Variants in FHIP1A observed in about 807,000 individuals in gnomAD.
The protein encoded by FHIP1A is FHF complex subunit HOOK interacting protein 1A, also known as FHF complex subunit HOOK-interacting protein 1A.
In FHIP1A, 61 loss-of-function variants were observed where a neutral mutation model predicts 88.6. The observed-to-expected ratio is 0.69, with a 90% CI of 0.56 to 0.85. FHIP1A has a LOEUF of 0.85. FHIP1A is among the 40% of genes least tolerant of loss of function. FHIP1A has a pLI of 0.00. For synonymous variants in FHIP1A, 478 were observed against 496.0 expected (o/e 0.96, Z 0.48); for missense variants, 1,154 against 1,273.5 (o/e 0.91, Z 1.43).
Position 151,656,352 on chromosome 4 carries a change from G to T in FHIP1A, c.2672G>T (p.Arg891Leu). Reference sequence around the variant, plus strand: ...GCCAGCTACCCCCAGCCACTCCTGCGCTCCTTTCTGCTCAACACCAACATG... The same window carrying T: ...GCCAGCTACCCCCAGCCACTCCTGCTCTCCTTTCTGCTCAACACCAACATG... ...QLASYPQPLL[R>L]SFLLNTNMVF... is the part of the protein sequence containing the mutation. Residue 891 changes from arginine (R) to leucine (L), a missense_variant, in exon 12 of 14, where the codon CGC (arginine) becomes CTC (leucine). Transcript: ENST00000435205. This position sits in a 1 kb window ranked among gnomAD's most constrained non-coding sequence, Gnocchi z 4.2. 6.4e-7 allele frequency: 1 copy of T among 1,551,634 alleles called. No homozygotes were observed. The highest frequency in any genetic ancestry group is 8.7e-7 in the Non-Finnish European group (1 of 1,146,986).
intron 9 of FHIP1A, among the ~76,000 whole-genome samples, chr4:151,645,547 G>T (rs936440008): frequency 6.6e-6 from 1 of 150,772 alleles, no homozygotes; most frequent in African/African-American, 2.4e-5. Flanking sequence ...GTTTTTCTCT[G>T]CACGGCTTCT....
chr4:151,454,071 G>A (rs1239834522), intron 1 of FHIP1A, among the ~76,000 whole-genome samples: 3 of 152,002 alleles, frequency 2.0e-5, no homozygotes, highest in Non-Finnish European at 2.9e-5. Context: ...TTTTCCCATA[G>A]GAATGTACAT....
Position 151,664,608 on chromosome 4 carries a change from G to A in FHIP1A, c.*1854G>A, listed in dbSNP as rs75666489. Among the ~76,000 whole-genome samples, 1,519 of 152,342 alleles carry A rather than the reference G, an allele frequency of 1.0e-2. 19 individuals carry two copies. The highest frequency in any genetic ancestry group is 0.035 in the African/African-American group (1,437 of 41,574). Reference sequence around the variant, plus strand: ...TCTGCTTCTGGCTTCCTGATGTCTGGTTGTATTTGCACAGCCCACAACTCT... The same window carrying A: ...TCTGCTTCTGGCTTCCTGATGTCTGATTGTATTTGCACAGCCCACAACTCT... On this transcript the variant is annotated 3_prime_UTR_variant, in exon 14 of 14. Coordinates refer to ENST00000435205, the MANE Select transcript of FHIP1A (RefSeq NM_001109977.3).
intron 2 of FHIP1A, among the ~76,000 whole-genome samples, chr4:151,456,550 G>A (rs1045878787): frequency 6.6e-6 from 1 of 152,126 alleles, no homozygotes; most frequent in African/African-American, 2.4e-5. Context: ...CTTTGGAAAT[G>A]TACCCTGATC....
rs148849404 is a variant in FHIP1A, at chr4:151,626,331, C to T, written c.979-3371C>T. Among the ~76,000 whole-genome samples, 23 of 152,154 alleles carry T rather than the reference C, an allele frequency of 1.5e-4. No homozygotes were observed. In the East Asian group the frequency reaches 4.1e-3, roughly 27 times the overall value. ...AAGATTCTCGGCATGAAGAAGGACCCGGACAAGGGCTATAGGAGTGTGGAG... is the reference window on the plus strand; with the variant it reads ...AAGATTCTCGGCATGAAGAAGGACCTGGACAAGGGCTATAGGAGTGTGGAG... On this transcript the variant is annotated intron_variant, in intron 7 of 13. Transcript: ENST00000435205.
intron 3 of FHIP1A, among the ~76,000 whole-genome samples, chr4:151,547,175 T>G (rs1265305044): frequency 6.6e-6 from 1 of 152,172 alleles, no homozygotes; most frequent in Non-Finnish European, 1.5e-5. Flanking sequence ...CTGTAGGCCA[T>G]CAATTGCATC....
intron 3 of FHIP1A, among the ~76,000 whole-genome samples, chr4:151,553,261 A>G (rs1418556812): frequency 6.6e-6 from 1 of 152,228 alleles, no homozygotes; most frequent in Non-Finnish European, 1.5e-5. Context: ...TTCATAAACA[A>G]TTACAAGAAA....
intron 7 of FHIP1A, among the ~76,000 whole-genome samples, chr4:151,604,848 C>CAAA (rs555843721): frequency 7.8e-6 from 1 of 127,950 alleles, no homozygotes; most frequent in Non-Finnish European, 1.7e-5. Context: ...GACTCCATCT[C>CAAA]AAAAAAAAAA....
chr4:151,655,060 T>G (rs1737181591), intron 11 of FHIP1A, among the ~76,000 whole-genome samples: 1 of 152,250 alleles, frequency 6.6e-6, no homozygotes, highest in South Asian at 2.1e-4. Flanking sequence ...TTTTACTCTC[T>G]TATGCTACCA....
At chr4:151,433,956 A>C (rs149182531) in intron 1 of FHIP1A, among the ~76,000 whole-genome samples, 1 of 152,300 alleles carries the variant, frequency 6.6e-6, no homozygotes, top group Non-Finnish European at 1.5e-5. Context: ...TTTTTCCGTC[A>C]TATCTTTCAG....
At chr4:151,527,331 G>A (rs914382259) in intron 3 of FHIP1A, among the ~76,000 whole-genome samples, 2 of 152,196 alleles carry the variant, frequency 1.3e-5, no homozygotes, top group South Asian at 2.1e-4. Flanking sequence ...AGACCAGCCC[G>A]GCCAACACAG....
In FHIP1A at chr4:151,576,224, T is replaced by C. The variant is rs535640908; in HGVS notation, c.106-1226T>C. Among the ~76,000 whole-genome samples, 30 of 152,346 alleles carry C rather than the reference T, an allele frequency of 2.0e-4. No individual in the cohort carries two copies. The South Asian group carries it at 6.0e-3, about 31-fold the overall frequency. On this transcript the variant is annotated intron_variant, in intron 4 of 13. Transcript: ENST00000435205. ...AAAGGAGAGAAGCTGACTAGGGCTG[T>C]GAGGTGACCTATTTAGGGATTTTTA...
intron 3 of FHIP1A, among the ~76,000 whole-genome samples, chr4:151,532,449 C>G (rs1731913613): frequency 6.6e-6 from 1 of 152,230 alleles, no homozygotes; most frequent in Non-Finnish European, 1.5e-5. Flanking sequence ...CTCATGGCCA[C>G]TCTCATTACA....
At chr4:151,621,878 G>A (rs912270180) in intron 7 of FHIP1A, among the ~76,000 whole-genome samples, 4 of 151,754 alleles carry the variant, frequency 2.6e-5, no homozygotes, top group Non-Finnish European at 5.9e-5. Flanking sequence ...CATTTTCAAT[G>A]AAATGTTATT....
intron 4 of FHIP1A, among the ~76,000 whole-genome samples, chr4:151,575,163 ATTT>A (rs991669587): frequency 1.3e-5 from 2 of 152,166 alleles, no homozygotes; most frequent in Admixed American, 6.5e-5. Flanking sequence ...GTATAATTAC[ATTT>A]TTACCCTGAG....
intron 1 of FHIP1A, among the ~76,000 whole-genome samples, chr4:151,417,878 T>TAAA (rs1275270860): frequency 1.3e-5 from 2 of 152,004 alleles, no homozygotes; most frequent in African/African-American, 2.4e-5. Context: ...TAACTGCTTG[T>TAAA]AAAAAATCTG....
intron 1 of FHIP1A, among the ~76,000 whole-genome samples, chr4:151,453,310 C>CT (rs1471696626): frequency 6.6e-6 from 1 of 152,164 alleles, no homozygotes; most frequent in African/African-American, 2.4e-5. Context: ...GCCACTGCAC[C>CT]TGGCCCATAG....
intron 2 of FHIP1A, among the ~76,000 whole-genome samples, chr4:151,472,640 G>A (rs1021518462): frequency 5.2e-5 from 3 of 57,378 alleles, no homozygotes; most frequent in Non-Finnish European, 1.1e-4. Flanking sequence ...TTTTTTTTTT[G>A]TAGCAACTAC....
intron 3 of FHIP1A, among the ~76,000 whole-genome samples, chr4:151,516,042 T>C (rs1471502525): frequency 2.6e-5 from 4 of 152,170 alleles, no homozygotes; most frequent in Non-Finnish European, 1.5e-5. Flanking sequence ...ACTACCTGAC[T>C]TCAAACTATA....
Sources: gnomAD v4.1 joint callset for allele counts (sites outside exome capture counted in the v4.1 genomes callset) on GRCh38, gnomAD v4.1.1 for gene constraint, Gnocchi (gnomAD v3.1) non-coding constraint, MANE v1.5 for transcripts, NCBI Gene and HGNC (gene_info 2026-07-23, HGNC 2026-07-21) for gene names.